The following TDRD10 variants were observed in gnomAD, a reference collection of about 807,000 sequenced individuals.
TDRD10 encodes tudor domain containing 10, also known as tudor domain-containing protein 10.
In TDRD10, 40 loss-of-function variants were observed where a neutral mutation model predicts 48.0. The observed-to-expected ratio is 0.83, with a 90% CI of 0.65 to 1.09. The LOEUF (loss-of-function observed/expected upper bound fraction) is 1.09. TDRD10 is among the 50% of genes least tolerant of loss of function. TDRD10 has a pLI of 0.00. For missense variants in TDRD10, 378 were observed against 434.7 expected (o/e 0.87, Z 1.16); for synonymous variants, 162 against 170.4 (o/e 0.95, Z 0.38).
chr1:154,528,257 C>T (rs904664411), intron 6 of TDRD10, among the ~76,000 whole-genome samples: 8 of 58,088 alleles, frequency 1.4e-4, no homozygotes, highest in African/African-American at 3.3e-4. Context: ...GAGTCTTGCT[C>T]TGTTGCCCAG....
At chr1:154,539,422 C>T (rs978071884) in intron 6 of TDRD10, among the ~76,000 whole-genome samples, 1 of 152,180 alleles carries the variant, frequency 6.6e-6, no homozygotes, top group Non-Finnish European at 1.5e-5. Flanking sequence ...CCTGTCTCAG[C>T]CTCCCTAGTA....
At chr1:154,535,522 G>A (rs983085706) in intron 6 of TDRD10, among the ~76,000 whole-genome samples, 2 of 151,896 alleles carry the variant, frequency 1.3e-5, no homozygotes, top group Non-Finnish European at 2.9e-5. Context: ...CAACCCTGTC[G>A]ACAAAAAATG....
intron 6 of TDRD10, among the ~76,000 whole-genome samples, chr1:154,530,148 G>A (rs1481059423): frequency 2.0e-5 from 3 of 151,948 alleles, no homozygotes; most frequent in Non-Finnish European, 4.4e-5. Context: ...CCGAGGAGCT[G>A]GAATTACAGG....
chr1:154,547,739 C>T lies in TDRD10; in HGVS notation c.*29C>T, dbSNP rs1203149608. On this transcript the variant is annotated 3_prime_UTR_variant, in exon 13 of 13. Transcript: ENST00000368482. ...GGCTTCCCTCAGCATGTTCCCTCTC[C>T]TGTTTGCCACGGATCCAGAGGCCAC... 2 of 1,612,328 alleles carry T rather than the reference C, an allele frequency of 1.2e-6. No individual in the cohort carries two copies. Among genetic ancestry groups the T allele is most frequent in the African/African-American group, 2.7e-5 (2 of 74,878 alleles).
chr1:154,531,174 G>T (rs752538522), intron 6 of TDRD10, among the ~76,000 whole-genome samples: 18 of 152,266 alleles, frequency 1.2e-4, no homozygotes, highest in Admixed American at 3.3e-4. Flanking sequence ...GTTTTTGGCT[G>T]AGACTTGGTT....
At chr1:154,537,329 C>T (rs543548890) in intron 6 of TDRD10, among the ~76,000 whole-genome samples, 6 of 152,266 alleles carry the variant, frequency 3.9e-5, no homozygotes, top group Admixed American at 3.3e-4. Flanking sequence ...TTTGTGGTGG[C>T]GTTTTATATT....
At chr1:154,516,430 G>A (rs866829677) in intron 4 of TDRD10, among the ~76,000 whole-genome samples, 1 of 152,056 alleles carries the variant, frequency 6.6e-6, no homozygotes, top group South Asian at 2.1e-4. Context: ...TGGGGGTGGT[G>A]GGAGAATGGA....
In TDRD10 at chr1:154,505,605, C is replaced by T. The variant is rs1421610068; in HGVS notation, c.-27-1272C>T. ...AATTTAATGTTTTAATTTATGTTTT[C>T]CCTAAAGTACAGGAAAAAAAAATCC... On this transcript the variant is annotated intron_variant, in intron 1 of 12. Coordinates refer to ENST00000368482, the MANE Select transcript of TDRD10 (RefSeq NM_182499.4). Among the ~76,000 whole-genome samples, 3 of 152,088 alleles carry T rather than the reference C, an allele frequency of 2.0e-5. No individual in the cohort carries two copies. The East Asian group carries it at 5.8e-4, about 29-fold the overall frequency.
intron 11 of TDRD10, among the ~76,000 whole-genome samples, chr1:154,546,478 A>G (rs1695591209): frequency 6.9e-6 from 1 of 145,146 alleles, no homozygotes; most frequent in Non-Finnish European, 1.5e-5. Flanking sequence ...TATATAATAT[A>G]TAATACGTGA....
intron 6 of TDRD10, 95 bp downstream of exon 6, chr1:154,521,574 C>A: frequency 7.1e-7 from 1 of 1,402,314 alleles, no homozygotes; most frequent in Non-Finnish European, 9.8e-7. Flanking sequence ...TCCTCCAGTC[C>A]AGTCTGACTG....
intron 3 of TDRD10, 41 bp from the exon 4 acceptor site, chr1:154,508,381 AC>A: frequency 7.3e-7 from 1 of 1,362,562 alleles, no homozygotes; most frequent in Non-Finnish European, 1.1e-6. Context: ...GAATCCTCTA[AC>A]CGTATGTATG....
chr1:154,521,782 A>G (rs1694072868), intron 6 of TDRD10, among the ~76,000 whole-genome samples: 1 of 152,220 alleles, frequency 6.6e-6, no homozygotes, highest in South Asian at 2.1e-4. Context: ...TTCATTGTTA[A>G]TGTAGCAGAC....
intron 4 of TDRD10, among the ~76,000 whole-genome samples, chr1:154,518,826 C>T (rs1363596625): frequency 1.3e-5 from 2 of 152,178 alleles, no homozygotes; most frequent in Non-Finnish European, 2.9e-5. Flanking sequence ...TCCAATAAAA[C>T]TTTATTTACA....
At chr1:154,512,890 A>T (rs1693557978) in intron 4 of TDRD10, among the ~76,000 whole-genome samples, 1 of 152,090 alleles carries the variant, frequency 6.6e-6, no homozygotes, top group Non-Finnish European at 1.5e-5. Flanking sequence ...GTTTATTTAG[A>T]GGTGGTGTTC....
At position 154,538,594 on chromosome 1, in the gene TDRD10, C is replaced by G. The variant is rs1450759684; in HGVS notation, c.370-3430C>G. ...AAAGGCCAGGCGCGGTGGCTCATGCCTGTAATCCCAGCACTTTGGGAGGCT... is the reference window on the plus strand; with the variant it reads ...AAAGGCCAGGCGCGGTGGCTCATGCGTGTAATCCCAGCACTTTGGGAGGCT... On this transcript the variant is annotated intron_variant, in intron 6 of 12. Coordinates refer to ENST00000368482, the MANE Select transcript of TDRD10 (RefSeq NM_182499.4). Among the ~76,000 whole-genome samples, 14 of 145,432 alleles carry G rather than the reference C, an allele frequency of 9.6e-5. No individual in the cohort carries two copies. In the Admixed American group the frequency reaches 9.7e-4, roughly 10 times the overall value.
At chr1:154,538,794 AG>A (rs1695062565) in intron 6 of TDRD10, among the ~76,000 whole-genome samples, 1 of 100,268 alleles carries the variant, frequency 1.0e-5, no homozygotes. Flanking sequence ...CAGAGCTTGC[AG>A]TGAGCCTAGA....
chr1:154,541,840 G>A, intron 6 of TDRD10, 184 bp from the exon 7 acceptor site: 1 of 548,222 alleles, frequency 1.8e-6, no homozygotes, highest in South Asian at 2.8e-5. Flanking sequence ...TTTTCTTTGG[G>A]TTGGCTCAGG....
intron 3 of TDRD10, among the ~76,000 whole-genome samples, chr1:154,508,175 G>C (rs558348636): frequency 4.6e-5 from 7 of 152,296 alleles, no homozygotes; most frequent in African/African-American, 1.4e-4. Context: ...ATGGGGGTGG[G>C]AGGATGTTTG....
At chr1:154,518,423 A>G (rs1317318515) in intron 4 of TDRD10, among the ~76,000 whole-genome samples, 2 of 151,742 alleles carry the variant, frequency 1.3e-5, no homozygotes, top group African/African-American at 4.9e-5. Context: ...CAAATCTATA[A>G]TTGATCAAAA....
Sources: allele counts gnomAD v4.1 joint callset (sites outside exome capture counted in the v4.1 genomes callset), GRCh38; gene constraint gnomAD v4.1.1; transcripts MANE v1.5; gene names NCBI Gene and HGNC (gene_info 2026-07-23, HGNC 2026-07-21).